FHOD3: variants seen among roughly 807,000 people sequenced by gnomAD.
FHOD3 encodes formin homology 2 domain containing 3, also known as FH1/FH2 domain-containing protein 3.
In FHOD3, 90 loss-of-function variants were observed where a neutral mutation model predicts 173.0. The observed-to-expected ratio is 0.52, with a 90% CI of 0.44 to 0.62. FHOD3 has a LOEUF of 0.62. Among genes scored for constraint, FHOD3 ranks in the 20% least tolerant of loss-of-function variants. FHOD3 has a pLI of 0.00. For synonymous variants in FHOD3, 828 were observed against 823.0 expected (o/e 1.01, Z -0.10); for missense variants, 1,945 against 2,034.7 (o/e 0.96, Z 0.85).
rs1197728912 is a variant in FHOD3, at chr18:36,760,743, C to G, written c.4585C>G (p.Pro1529Ala). 5 of 1,612,604 alleles carry G rather than the reference C, an allele frequency of 3.1e-6. No homozygotes were observed. The highest frequency in any genetic ancestry group is 4.2e-6 in the Non-Finnish European group (5 of 1,179,872). The change falls in exon 27 of 29, where the codon CCC becomes GCC. Residue 1529 changes from proline to alanine, a missense_variant. By Grantham distance (27) the Pro-to-Ala change is conservative. This residue lies in a region of FHOD3 where 354 missense variants were observed against 359.9 expected (regional missense o/e 0.98). Coordinates refer to ENST00000590592, the MANE Select transcript of FHOD3 (RefSeq NM_001281740.3). ...TSSPSVEDAT[P>A]ALGVRTRSRA... ...GTCCCCCTCCGTGGAGGACGCCACC[C>G]CCGCGCTGGGCGTCCGCACACGCAG...
intron 3 of FHOD3, among the ~76,000 whole-genome samples, chr18:36,432,360 C>T (rs1234503485): frequency 6.6e-6 from 1 of 152,086 alleles, no homozygotes; most frequent in Non-Finnish European, 1.5e-5. Flanking sequence ...TTAAGAAATT[C>T]GTGAGATGCA....
At chr18:36,588,359 G>A (rs2148236271) in intron 6 of FHOD3, among the ~76,000 whole-genome samples, 1 of 152,242 alleles carries the variant, frequency 6.6e-6, no homozygotes, top group Middle Eastern at 3.4e-3. Context: ...AGTAATACTT[G>A]TATATTCTAA....
At chr18:36,744,303 C>A (rs975945113) in intron 23 of FHOD3, 110 bp downstream of exon 23, 4 of 1,039,764 alleles carry the variant, frequency 3.8e-6, no homozygotes, top group Admixed American at 5.1e-5. Context: ...CCAAGTGCTG[C>A]CTGCATTCTC....
chr18:36,762,918 ATG>A (rs2042945788), intron 27 of FHOD3, among the ~76,000 whole-genome samples: 1 of 147,494 alleles, frequency 6.8e-6, no homozygotes, highest in African/African-American at 2.5e-5. Context: ...CACGTTATAT[ATG>A]TGTATTATAT....
chr18:36,496,965 A>T (rs556598657), intron 3 of FHOD3, among the ~76,000 whole-genome samples: 145 of 152,356 alleles, frequency 9.5e-4, no homozygotes, highest in Non-Finnish European at 1.9e-3. Context: ...AATTTCAGCC[A>T]AAATAGGTAA....
chr18:36,433,237 A>G (rs776760139), intron 3 of FHOD3, among the ~76,000 whole-genome samples: 11 of 152,230 alleles, frequency 7.2e-5, no homozygotes, highest in Admixed American at 4.6e-4. Context: ...CCCAGATTAT[A>G]TAGTGGGTAC....
At chr18:36,466,716 G>A (rs969265015) in intron 3 of FHOD3, among the ~76,000 whole-genome samples, 1 of 152,182 alleles carries the variant, frequency 6.6e-6, no homozygotes, top group Non-Finnish European at 1.5e-5. Flanking sequence ...AATAAGAATG[G>A]TGGTGAGAGG....
chr18:36,646,972 C>T (rs1316262410), intron 10 of FHOD3, among the ~76,000 whole-genome samples: 1 of 151,432 alleles, frequency 6.6e-6, no homozygotes, highest in Non-Finnish European at 1.5e-5. Flanking sequence ...TGCGGTGGCT[C>T]ATGCCTGTAA....
Position 36,780,157 on chromosome 18 carries a change from C to G in FHOD3, c.*627C>G. 1 of 1,231,902 alleles carries G rather than the reference C, an allele frequency of 8.1e-7. No individual in the cohort carries two copies. The highest frequency in any genetic ancestry group is 1.0e-6 in the Non-Finnish European group (1 of 988,008). 76.3% of individuals were successfully genotyped at this position (1,231,902 alleles called of 1,614,324 possible). ...CTCTTCTCAGTGTCCTCAGAAGCAC[C>G]CTCGCTTGGAACGGCCTTCAGATCC... On this transcript the variant is annotated 3_prime_UTR_variant, in exon 29 of 29. Coordinates refer to ENST00000590592, the MANE Select transcript of FHOD3 (RefSeq NM_001281740.3).
At chr18:36,577,027 A>T (rs368034395) in intron 6 of FHOD3, among the ~76,000 whole-genome samples, 9 of 151,624 alleles carry the variant, frequency 5.9e-5, no homozygotes, top group African/African-American at 2.2e-4. Context: ...CGGGAGGCAG[A>T]GGTTGCAGTG....
At chr18:36,706,147 C>T (rs957371265) in intron 17 of FHOD3, among the ~76,000 whole-genome samples, 28 of 152,242 alleles carry the variant, frequency 1.8e-4, no homozygotes, top group South Asian at 6.2e-4. Context: ...CCCAGGACCA[C>T]GCTGGGGCCC....
At chr18:36,705,593 G>A (rs949937554) in intron 17 of FHOD3, among the ~76,000 whole-genome samples, 16 of 152,142 alleles carry the variant, frequency 1.1e-4, no homozygotes, top group South Asian at 2.1e-4. Flanking sequence ...CGGATATCAC[G>A]GCAGGTTGTT....
At chr18:36,441,433 C>G (rs905836575) in intron 3 of FHOD3, among the ~76,000 whole-genome samples, 14 of 152,092 alleles carry the variant, frequency 9.2e-5, no homozygotes, top group Non-Finnish European at 2.1e-4. Flanking sequence ...AGGATGAGGA[C>G]GAGGCTGAAG....
Position 36,746,938 on chromosome 18 carries a change from T to A in FHOD3, c.4042-7T>A, listed in dbSNP as rs772198030. 13 of 1,599,464 alleles carry A rather than the reference T, an allele frequency of 8.1e-6. No individual in the cohort carries two copies. In the East Asian group the frequency reaches 2.7e-4, roughly 33 times the overall value. On this transcript the variant is annotated splice_region_variant and splice_polypyrimidine_tract_variant and intron_variant, in intron 23 of 28. Coordinates refer to ENST00000590592, the MANE Select transcript of FHOD3 (RefSeq NM_001281740.3). ...AGTGTTTGCAGTGTTCTCGCTCTGATTTTCAGGTTGACTTTGATCAACTTC... is the reference window on the plus strand; with the variant it reads ...AGTGTTTGCAGTGTTCTCGCTCTGAATTTCAGGTTGACTTTGATCAACTTC...
intron 6 of FHOD3, among the ~76,000 whole-genome samples, chr18:36,587,478 C>T (rs376638092): frequency 5.9e-5 from 9 of 152,110 alleles, no homozygotes; most frequent in African/African-American, 2.2e-4. Flanking sequence ...TTCATCTAAG[C>T]CCCAGAATTT....
At chr18:36,488,215 C>G (rs562105706) in intron 3 of FHOD3, among the ~76,000 whole-genome samples, 1 of 152,338 alleles carries the variant, frequency 6.6e-6, no homozygotes, top group East Asian at 1.9e-4. Context: ...CATCTCTGCA[C>G]AGTGACATGA....
intron 3 of FHOD3, among the ~76,000 whole-genome samples, chr18:36,461,460 T>TGTG (rs199609406): frequency 4.4e-5 from 6 of 136,450 alleles, no homozygotes; most frequent in Non-Finnish European, 7.9e-5. Flanking sequence ...TGTGTGTGTG[T>TGTG]TTTTTTTTTT....
intron 3 of FHOD3, among the ~76,000 whole-genome samples, chr18:36,446,017 A>G (rs2056872330): frequency 6.6e-6 from 1 of 152,178 alleles, no homozygotes; most frequent in African/African-American, 2.4e-5. Flanking sequence ...TGATGAATGG[A>G]TTCCCTGGCC....
At chr18:36,343,230 T>C (rs1239348684) in intron 1 of FHOD3, among the ~76,000 whole-genome samples, 1 of 152,200 alleles carries the variant, frequency 6.6e-6, no homozygotes, top group East Asian at 1.9e-4. Flanking sequence ...GTATTATTCA[T>C]AGTAGCCAAA....
Sources: allele counts gnomAD v4.1 joint callset (sites outside exome capture counted in the v4.1 genomes callset), GRCh38; gene constraint gnomAD v4.1.1; regional missense constraint gnomAD v4.1.1; transcripts MANE v1.5; gene names NCBI Gene and HGNC (gene_info 2026-07-23, HGNC 2026-07-21).